The following WNK1 variants were observed in gnomAD, a reference collection of about 807,000 sequenced individuals.
WNK1 encodes WNK lysine deficient protein kinase 1.
In WNK1, 38 loss-of-function variants were observed where a neutral mutation model predicts 222.8. The observed-to-expected ratio is 0.17, with a 90% CI of 0.13 to 0.22. The LOEUF is 0.22. WNK1 is among the 10% of genes least tolerant of loss of function. The pLI is 1.00. For synonymous variants in WNK1, 1,090 were observed against 1,092.9 expected, an observed-to-expected ratio of 1.00 and a Z score of 0.05; for missense variants, 2,348 against 2,918.4, an observed-to-expected ratio of 0.80 and a Z score of 4.50.
At chr12:873,256 T>C (rs1952314546) in intron 9 of WNK1, among the ~76,000 whole-genome samples, 1 of 152,180 alleles carries the variant, frequency 6.6e-6, no homozygotes, top group African/African-American at 2.4e-5. Context: ...ATACTTACTA[T>C]CAAATGAAGA....
At chr12:782,425 A>G (rs548293094) in intron 1 of WNK1, among the ~76,000 whole-genome samples, 141 of 152,338 alleles carry the variant, frequency 9.3e-4, no homozygotes, top group African/African-American at 3.2e-3. Flanking sequence ...AATGTTTCCA[A>G]AATCAGAGAT....
rs1400245771 is a variant in WNK1, at chr12:884,029, A to G, written c.3722-92A>G. 1.9e-6 allele frequency: 3 copies of G among 1,588,624 alleles called. No individual in the cohort carries two copies. Among genetic ancestry groups the G allele is most frequent in the Non-Finnish European group, 2.6e-6 (3 of 1,161,694 alleles). On this transcript the variant is annotated intron_variant, in intron 17 of 27. Coordinates refer to ENST00000315939, the MANE Select transcript of WNK1 (RefSeq NM_018979.4). This position sits in a 1 kb window ranked among gnomAD's most constrained non-coding sequence, Gnocchi z 5.6. ...GGTGAGAGAATGAGACCGTGCCTCA[A>G]AAAAAGCAGTTGTATGTGCCAATAA...
chr12:801,423 T>TTGTGTGTGTGTGTGTGTG (rs367875366), intron 1 of WNK1, among the ~76,000 whole-genome samples: 1 of 143,878 alleles, frequency 7.0e-6, no homozygotes, highest in African/African-American at 2.6e-5. Flanking sequence ...CTTTTTTTCT[T>TTGTGTGTGTGTGTGTGTG]TGTGTGTGTG....
intron 1 of WNK1, among the ~76,000 whole-genome samples, chr12:774,774 G>A (rs187859013): frequency 2.6e-5 from 4 of 152,168 alleles, no homozygotes; most frequent in Admixed American, 2.6e-4. Context: ...TATAGTTTAT[G>A]TCTGCAGAAC....
intron 10 of WNK1, among the ~76,000 whole-genome samples, chr12:879,337 G>A (rs1952910866): frequency 6.6e-6 from 1 of 151,560 alleles, no homozygotes; most frequent in Admixed American, 6.6e-5. Flanking sequence ...GACAAAAGGT[G>A]TAGAACAGTA....
chr12:795,296 G>GTTTTTTTTTTTTTTTTTT (rs35447912), intron 1 of WNK1, among the ~76,000 whole-genome samples: 1 of 133,022 alleles, frequency 7.5e-6, no homozygotes, highest in Non-Finnish European at 1.6e-5. Context: ...ATTTTCCGTT[G>GTTTTTTTTTTTTTTTTTT]TTTTTTTTTT....
At chr12:760,057 T>C (rs1246637195) in intron 1 of WNK1, among the ~76,000 whole-genome samples, 12 of 147,978 alleles carry the variant, frequency 8.1e-5, no homozygotes, top group Admixed American at 8.0e-4. Flanking sequence ...AAAGCAGGTA[T>C]TGATCTTTAT....
chr12:867,381 C>T (rs1037663915), intron 8 of WNK1, among the ~76,000 whole-genome samples: 1 of 152,144 alleles, frequency 6.6e-6, no homozygotes, highest in African/African-American at 2.4e-5. Flanking sequence ...AACTGAAGGC[C>T]TCTAACATAT....
Position 865,301 on chromosome 12 carries a change from T to A in WNK1, c.2139+3031T>A, listed in dbSNP as rs1268716047. ...CTAAAGCATTGGAGAGTGTCCTGCC[T>A]ATGCACTCTGCCTCTCAGCGCAAGC... On this transcript the variant is annotated intron_variant, in intron 8 of 27. Coordinates refer to ENST00000315939, the MANE Select transcript of WNK1 (RefSeq NM_018979.4). 1.3e-6 allele frequency: 2 copies of A among 1,536,146 alleles called. No individual in the cohort carries two copies. Among genetic ancestry groups the A allele is most frequent in the Non-Finnish European group, 1.7e-6 (2 of 1,146,918 alleles).
At chr12:786,211 T>C (rs984574145) in intron 1 of WNK1, among the ~76,000 whole-genome samples, 1 of 152,226 alleles carries the variant, frequency 6.6e-6, no homozygotes, top group Non-Finnish European at 1.5e-5. Flanking sequence ...TTAGCTGATA[T>C]TTGATAAACG....
At chr12:882,225 C>T (rs1316902056) in intron 14 of WNK1, 152 bp downstream of exon 14, 1 of 859,764 alleles carries the variant, frequency 1.2e-6, no homozygotes, top group Non-Finnish European at 1.8e-6. Context: ...TAGACGGAGT[C>T]TCGCTCTGTC....
chr12:773,142 C>T (rs765138216), intron 1 of WNK1, among the ~76,000 whole-genome samples: 1 of 152,066 alleles, frequency 6.6e-6, no homozygotes, highest in Admixed American at 6.6e-5. Context: ...CCTGTTATCC[C>T]AGCTACTTGG....
At chr12:894,315 T>C (rs181319909) in intron 22 of WNK1, among the ~76,000 whole-genome samples, 22 of 152,356 alleles carry the variant, frequency 1.4e-4, no homozygotes, top group Admixed American at 9.2e-4. Context: ...ATTGAGTTTT[T>C]AAAGCCTGTT....
chr12:812,113 T>C (rs1159622329), intron 1 of WNK1, among the ~76,000 whole-genome samples: 1 of 152,206 alleles, frequency 6.6e-6, no homozygotes, highest in Non-Finnish European at 1.5e-5. Flanking sequence ...AGTTGGCAGC[T>C]TTTTTACAAT....
intron 8 of WNK1, chr12:867,722 T>C: frequency 1.1e-6 from 1 of 936,482 alleles, no homozygotes; most frequent in Non-Finnish European, 1.6e-6. Context: ...TGCACATAAT[T>C]TCCAGAAGCA....
Position 753,292 on chromosome 12 carries a change from C to G in WNK1, c.-274C>G. 1 of 506,772 alleles carries G rather than the reference C, an allele frequency of 2.0e-6. No homozygotes were observed. Among genetic ancestry groups the G allele is most frequent in the South Asian group, 2.3e-5 (1 of 42,906 alleles). 31.4% of individuals were successfully genotyped at this position (506,772 alleles called of 1,614,324 possible). A position where few individuals can be genotyped will look rare whatever the true frequency, so the allele number is the denominator to read the frequency against. On this transcript the variant is annotated 5_prime_UTR_variant, in exon 1 of 28. Transcript: ENST00000315939. The surrounding 1 kb of genome is among the most constrained non-coding windows in gnomAD (Gnocchi z 5.2). ...CGCCGCAGGATGGATGCGGACCGTG[C>G]GGCGCTAACCCCCGTGGCTCAGCTC...
intron 14 of WNK1, among the ~76,000 whole-genome samples, 174 bp from the exon 15 acceptor site, chr12:882,769 C>G (rs2154082572): frequency 6.6e-6 from 1 of 152,292 alleles, no homozygotes; most frequent in South Asian, 2.1e-4. Flanking sequence ...AACGTCTTCT[C>G]AAAGATTTTT....
chr12:885,779 C>T lies in WNK1; in HGVS notation c.4975C>T (p.Leu1659=), dbSNP rs751682264. The T allele has an allele frequency of 3.1e-6, 5 of 1,614,212 alleles. No individual in the cohort carries two copies. Among genetic ancestry groups the T allele is most frequent in the South Asian group, 1.1e-5 (1 of 91,086 alleles). ...TGACATAAAGACTCTAGAAGAAAAGCTGCGGTCTCTGTTCAGTGAACACAG... is the reference window on the plus strand; with the variant it reads ...TGACATAAAGACTCTAGAAGAAAAGTTGCGGTCTCTGTTCAGTGAACACAG... ...IDDIKTLEEK[L]RSLFSEHSSS... The change falls in exon 19 of 28, where the codon CTG becomes TTG. Residue 1659 remains leucine, a synonymous_variant. Transcript: ENST00000315939.
At chr12:774,938 A>G (rs192621292) in intron 1 of WNK1, among the ~76,000 whole-genome samples, 37 of 152,262 alleles carry the variant, frequency 2.4e-4, no homozygotes, top group African/African-American at 7.2e-4. Context: ...ATATTTTTCA[A>G]TGCCGAGAAT....
Sources: allele counts gnomAD v4.1 joint callset (sites outside exome capture counted in the v4.1 genomes callset), GRCh38; gene constraint gnomAD v4.1.1; non-coding constraint Gnocchi (gnomAD v3.1); transcripts MANE v1.5; gene names NCBI Gene and HGNC (gene_info 2026-07-23, HGNC 2026-07-21).